The following BBX variants were observed in gnomAD, a reference collection of about 807,000 sequenced individuals.
BBX encodes the protein HMG box transcription factor BBX.
A neutral mutation model predicts 100.2 loss-of-function variants in BBX; 30 were observed. The ratio of observed to expected loss-of-function variants is 0.30; its 90% confidence interval spans 0.22 to 0.41. BBX has a LOEUF of 0.41. Ranked by LOEUF, BBX falls within the 10% of genes least tolerant of loss-of-function variation. The pLI is 1.00. For missense variants in BBX, 1,023 were observed against 1,129.8 expected (o/e 0.91, Z 1.35); for synonymous variants, 376 against 388.1 (o/e 0.97, Z 0.37).
At chr3:107,633,231 A>G (rs1490080512) in intron 2 of BBX, among the ~76,000 whole-genome samples, 1 of 152,126 alleles carries the variant, frequency 6.6e-6, no homozygotes, top group Non-Finnish European at 1.5e-5. Context: ...AATGCTATTT[A>G]TTTTGAATTT....
chr3:107,532,888 C>A (rs1169499529), intron 2 of BBX, among the ~76,000 whole-genome samples: 1 of 152,054 alleles, frequency 6.6e-6, no homozygotes, highest in East Asian at 1.9e-4. Context: ...AATAAGCTCT[C>A]TATATTTTGA....
At chr3:107,802,929 G>T (rs1236805485) in intron 17 of BBX, among the ~76,000 whole-genome samples, 1 of 152,158 alleles carries the variant, frequency 6.6e-6, no homozygotes, top group Non-Finnish European at 1.5e-5. Flanking sequence ...GATGCCCTAG[G>T]CTGTGTGTTT....
At chr3:107,775,546 T>C (rs2067256367) in intron 12 of BBX, among the ~76,000 whole-genome samples, 1 of 152,194 alleles carries the variant, frequency 6.6e-6, no homozygotes, top group Non-Finnish European at 1.5e-5. Flanking sequence ...CATATTCAGT[T>C]AGACTATTTT....
Position 107,723,554 on chromosome 3 carries a change from T to C in BBX, c.406-5211T>C, listed in dbSNP as rs552780984. ...TAGGTATATCTCCTAATGCTATCCC[T>C]CCTGCCTCTCCCCACCCCACAACAG... On this transcript the variant is annotated intron_variant, in intron 5 of 17. Coordinates refer to ENST00000325805, the MANE Select transcript of BBX (RefSeq NM_001142568.3). 3.9e-5 allele frequency among the ~76,000 whole-genome samples: 6 copies of C among 152,182 alleles called. No homozygotes were observed. The East Asian group carries it at 1.2e-3, about 29-fold the overall frequency.
intron 3 of BBX, among the ~76,000 whole-genome samples, chr3:107,650,105 C>T (rs2057753211): frequency 6.6e-6 from 1 of 151,912 alleles, no homozygotes; most frequent in African/African-American, 2.4e-5. Context: ...GGTGCTGTTC[C>T]CAGTGTGAAG....
At chr3:107,733,926 A>G (rs1457037326) in intron 7 of BBX, among the ~76,000 whole-genome samples, 1 of 152,030 alleles carries the variant, frequency 6.6e-6, no homozygotes, top group Non-Finnish European at 1.5e-5. Context: ...GAATTCCCCT[A>G]TTTCCCAGAG....
At chr3:107,740,425 C>A (rs186171075) in intron 7 of BBX, among the ~76,000 whole-genome samples, 2 of 152,008 alleles carry the variant, frequency 1.3e-5, no homozygotes, top group African/African-American at 2.4e-5. Flanking sequence ...ATCTTTGATT[C>A]AGTTGGAGTC....
chr3:107,648,524 T>C (rs2057658876), intron 3 of BBX, among the ~76,000 whole-genome samples: 1 of 152,144 alleles, frequency 6.6e-6, no homozygotes, highest in Non-Finnish European at 1.5e-5. Context: ...AATGGGTACT[T>C]CGCTTTTTCC....
intron 12 of BBX, among the ~76,000 whole-genome samples, chr3:107,775,319 A>G (rs2067234817): frequency 1.3e-5 from 2 of 152,172 alleles, no homozygotes; most frequent in South Asian, 4.1e-4. Flanking sequence ...TTGCTCTAAG[A>G]TAAAAATATC....
At chr3:107,733,711 A>G (rs184137919) in intron 7 of BBX, among the ~76,000 whole-genome samples, 164 of 152,274 alleles carry the variant, frequency 1.1e-3, no homozygotes, top group Admixed American at 1.8e-3. Flanking sequence ...TTCAGGGCTC[A>G]AGCGTCTTAG....
chr3:107,702,546 C>T (rs2061143258), intron 3 of BBX, among the ~76,000 whole-genome samples: 1 of 152,148 alleles, frequency 6.6e-6, no homozygotes, highest in Non-Finnish European at 1.5e-5. Flanking sequence ...CACATATTCA[C>T]TGAACATCTA....
chr3:107,628,519 C>G (rs2107717211), intron 2 of BBX, among the ~76,000 whole-genome samples: 1 of 151,872 alleles, frequency 6.6e-6, no homozygotes, highest in East Asian at 1.9e-4. Context: ...TTTCTCATAT[C>G]TTTTTTATAT....
chr3:107,791,636 A>G (rs951884615), intron 15 of BBX, among the ~76,000 whole-genome samples: 2 of 152,200 alleles, frequency 1.3e-5, no homozygotes, highest in African/African-American at 4.8e-5. Context: ...AGCTGGAATA[A>G]CAACCTGGTT....
At position 107,774,647 on chromosome 3, in the gene BBX, G is replaced by A. The variant is rs1012316363; in HGVS notation, c.1916-72G>A. 2.5e-5 allele frequency: 37 copies of A among 1,500,434 alleles called. No individual in the cohort carries two copies. The East Asian group carries it at 3.6e-4, about 15-fold the overall frequency. The allele number at this position is 1,500,434 out of a possible 1,614,324, so 92.9% of individuals were successfully genotyped here. A position where few individuals can be genotyped will look rare whatever the true frequency, so the allele number is the denominator to read the frequency against. On this transcript the variant is annotated intron_variant, in intron 11 of 17. Transcript: ENST00000325805. ...TATGCAAGCAGTCAAGAGGTTGCTC[G>A]TGAAGCAACTAACATCATCTCCCCT...
intron 10 of BBX, among the ~76,000 whole-genome samples, chr3:107,762,365 T>A (rs1308923067): frequency 6.6e-6 from 1 of 152,248 alleles, no homozygotes; most frequent in East Asian, 1.9e-4. Flanking sequence ...CTGTTAAATA[T>A]GCCCAGATTT....
rs140572313 is a variant in BBX, at chr3:107,661,716, C to T, written c.-10+15807C>T. On this transcript the variant is annotated intron_variant, in intron 3 of 17. Coordinates refer to ENST00000325805, the MANE Select transcript of BBX (RefSeq NM_001142568.3). Reference sequence around the variant, plus strand: ...GGCTGCTTAATCTCTCCATTAACTTCTGACTCTTTTGCTCCTCTCAACTCT... The same window carrying T: ...GGCTGCTTAATCTCTCCATTAACTTTTGACTCTTTTGCTCCTCTCAACTCT... 6.0e-3 allele frequency: 1,361 copies of T among 228,608 alleles called. 29 individuals are homozygous for T. The highest frequency in any genetic ancestry group is 0.03 in the African/African-American group (1,295 of 42,996). The allele number at this position is 228,608 out of a possible 1,614,324, so 14.2% of individuals were successfully genotyped here. A position where few individuals can be genotyped will look rare whatever the true frequency, so the allele number is the denominator to read the frequency against.
chr3:107,786,025 A>G lies in BBX; in HGVS notation c.2204-3762A>G, dbSNP rs546396024. Among the ~76,000 whole-genome samples the G allele has an allele frequency of 1.1e-4, 17 of 152,252 alleles. No homozygotes were observed. In the South Asian group the frequency reaches 3.5e-3, roughly 31 times the overall value. Reference sequence around the variant, plus strand: ...AGATAAAACTTAATTATATTTTGATACACTTAAACAATGAACAATCTAAAA... The same window carrying G: ...AGATAAAACTTAATTATATTTTGATGCACTTAAACAATGAACAATCTAAAA... On this transcript the variant is annotated intron_variant, in intron 13 of 17. Coordinates refer to ENST00000325805, the MANE Select transcript of BBX (RefSeq NM_001142568.3).
chr3:107,613,930 AAC>A (rs1250178095), intron 2 of BBX, among the ~76,000 whole-genome samples: 11 of 149,460 alleles, frequency 7.4e-5, no homozygotes, highest in Non-Finnish European at 1.6e-4. Flanking sequence ...ATTCAGGGTC[AAC>A]ATACCATGGT....
chr3:107,584,039 T>TATATATTATATATATTATATATATC (rs1339711931), intron 2 of BBX, among the ~76,000 whole-genome samples: 4 of 46,814 alleles, frequency 8.5e-5, no homozygotes, highest in Non-Finnish European at 1.1e-4. Flanking sequence ...ATATTAATTA[T>TATATATTATATATATTATATATATC]ATATATTATA....
Sources: gnomAD v4.1 joint callset for allele counts (sites outside exome capture counted in the v4.1 genomes callset) on GRCh38, gnomAD v4.1.1 for gene constraint, MANE v1.5 for transcripts, NCBI Gene and HGNC (gene_info 2026-07-23, HGNC 2026-07-21) for gene names.